Variants in EPHA3 observed in about 807,000 individuals in gnomAD.
EPHA3 encodes the protein EPH receptor A3.
In EPHA3, 42 loss-of-function variants were observed where a neutral mutation model predicts 107.1. That is an observed-to-expected ratio of 0.39 (90% confidence interval 0.31 to 0.51). The LOEUF (loss-of-function observed/expected upper bound fraction) is 0.51. Among genes scored for constraint, EPHA3 ranks in the 20% least tolerant of loss-of-function variants. The pLI, the probability that EPHA3 is intolerant of heterozygous loss-of-function variation, is 0.78. For missense variants in EPHA3, 1,183 were observed against 1,211.2 expected, an observed-to-expected ratio of 0.98 and a Z score of 0.35; for synonymous variants, 461 against 424.8, an observed-to-expected ratio of 1.09 and a Z score of -1.05.
Position 89,413,204 on chromosome 3 carries a change from T to C in EPHA3, c.1826T>C (p.Val609Ala). 1 of 1,611,952 alleles carries C rather than the reference T, an allele frequency of 6.2e-7. No individual in the cohort carries two copies. Residue 609 changes from valine (V) to alanine (A), a missense_variant, in exon 10 of 17, where the codon GTT becomes GCT. Physicochemically the swap from Val to Ala is moderately conservative, Grantham distance 64. Coordinates refer to ENST00000336596, the MANE Select transcript of EPHA3 (RefSeq NM_005233.6). ...PHTYEDPTQA[V>A]HEFAKELDAT... ...ACATATGAAGACCCTACCCAAGCTG[T>C]TCATGAGTTTGCCAAGGAATTGGAT...
At chr3:89,390,728 C>A (rs1169465804) in intron 5 of EPHA3, among the ~76,000 whole-genome samples, 1 of 151,254 alleles carries the variant, frequency 6.6e-6, no homozygotes, top group African/African-American at 2.4e-5. Context: ...ACACTGTGAG[C>A]AAGTCAACCC....
At chr3:89,162,283 A>C (rs1184128224) in intron 2 of EPHA3, among the ~76,000 whole-genome samples, 2 of 152,156 alleles carry the variant, frequency 1.3e-5, no homozygotes, top group Non-Finnish European at 2.9e-5. Context: ...GCAGGAGTAA[A>C]TACAGGAACA....
intron 5 of EPHA3, among the ~76,000 whole-genome samples, chr3:89,373,237 TG>T (rs1217075588): frequency 8.6e-5 from 13 of 151,870 alleles, no homozygotes; most frequent in African/African-American, 2.4e-4. Flanking sequence ...TTTTTCTTGT[TG>T]TTTTTTGTCA....
intron 15 of EPHA3, among the ~76,000 whole-genome samples, chr3:89,469,402 C>T (rs76762242): frequency 0.011 from 1,635 of 152,230 alleles, 23 homozygotes; most frequent in African/African-American, 0.033. Flanking sequence ...TTATCAAATA[C>T]GTTTCATGCA....
intron 2 of EPHA3, among the ~76,000 whole-genome samples, chr3:89,171,087 T>G (rs754352964): frequency 2.6e-5 from 4 of 152,242 alleles, no homozygotes; most frequent in African/African-American, 7.2e-5. Flanking sequence ...AAATTAGCCT[T>G]GATATTACAT....
In EPHA3 at chr3:89,330,056, G is replaced by A. The variant is rs532251402; in HGVS notation, c.815-10860G>A. Among the ~76,000 whole-genome samples, 17 of 151,928 alleles carry A rather than the reference G, an allele frequency of 1.1e-4. No individual in the cohort carries two copies. In the East Asian group the frequency reaches 1.5e-3, roughly 14 times the overall value. On this transcript the variant is annotated intron_variant, in intron 3 of 16. Coordinates refer to ENST00000336596, the MANE Select transcript of EPHA3 (RefSeq NM_005233.6). The stretch of plus-strand genomic sequence containing the variant: ...GTTTCAAAAAAGAGGATTCTTTTAA[G>A]ATATTTAAAAAACTCATTCAGTCAA...
At chr3:89,275,450 T>C (rs1158498038) in intron 3 of EPHA3, among the ~76,000 whole-genome samples, 3 of 152,198 alleles carry the variant, frequency 2.0e-5, no homozygotes, top group African/African-American at 7.2e-5. Context: ...TTCGTAGTCA[T>C]ACTAATAAAG....
intron 2 of EPHA3, among the ~76,000 whole-genome samples, chr3:89,140,977 C>T (rs181106967): frequency 1.3e-5 from 2 of 151,734 alleles, no homozygotes; most frequent in African/African-American, 4.8e-5. Flanking sequence ...TCATTTAATT[C>T]TCACCACAAT....
chr3:89,335,897 G>A (rs1484216253), intron 3 of EPHA3, among the ~76,000 whole-genome samples: 4 of 152,178 alleles, frequency 2.6e-5, no homozygotes, highest in East Asian at 3.9e-4. Flanking sequence ...GAGGGAAGAC[G>A]TAAATCAGAA....
intron 1 of EPHA3, among the ~76,000 whole-genome samples, chr3:89,120,169 T>G (rs2106957756): frequency 6.6e-6 from 1 of 152,324 alleles, no homozygotes; most frequent in East Asian, 1.9e-4. Context: ...AGTAATATGT[T>G]TTCATTTTTC....
At chr3:89,299,855 A>T (rs1280985569) in intron 3 of EPHA3, among the ~76,000 whole-genome samples, 1 of 152,044 alleles carries the variant, frequency 6.6e-6, no homozygotes, top group Admixed American at 6.6e-5. Flanking sequence ...CTTAAGGAAA[A>T]TTTTTGATAG....
At chr3:89,187,568 T>A (rs1705598572) in intron 2 of EPHA3, among the ~76,000 whole-genome samples, 1 of 151,926 alleles carries the variant, frequency 6.6e-6, no homozygotes, top group African/African-American at 2.4e-5. Context: ...TATGTTAATT[T>A]AAATTAAAAA....
At chr3:89,227,183 C>T (rs1704522022) in intron 3 of EPHA3, among the ~76,000 whole-genome samples, 2 of 152,038 alleles carry the variant, frequency 1.3e-5, no homozygotes, top group South Asian at 4.1e-4. Context: ...ATCATTTCTA[C>T]ATTTACTTTT....
chr3:89,458,612 G>A (rs74866449), intron 15 of EPHA3, among the ~76,000 whole-genome samples: 1 of 152,064 alleles, frequency 6.6e-6, no homozygotes, highest in South Asian at 2.1e-4. Context: ...TTCTATAATG[G>A]TTGAACTAAT....
intron 5 of EPHA3, among the ~76,000 whole-genome samples, chr3:89,376,405 T>C (rs1326382837): frequency 6.6e-6 from 1 of 151,808 alleles, no homozygotes; most frequent in East Asian, 1.9e-4. Flanking sequence ...TTTTAGATAT[T>C]GTATGTACAT....
At chr3:89,198,173 A>G (rs902616512) in intron 2 of EPHA3, among the ~76,000 whole-genome samples, 19 of 152,198 alleles carry the variant, frequency 1.2e-4, no homozygotes, top group African/African-American at 4.1e-4. Flanking sequence ...TTTAAAATAC[A>G]TTTATATTAT....
In EPHA3 at chr3:89,279,246, T is replaced by C. The variant is rs538759331; in HGVS notation, c.815-61670T>C. Among the ~76,000 whole-genome samples, 5 of 152,244 alleles carry C rather than the reference T, an allele frequency of 3.3e-5. No individual in the cohort carries two copies. In the South Asian group the frequency reaches 8.3e-4, roughly 25 times the overall value. ...AACCTCATTTAGGTAGGCAGAAATA[T>C]GTTCTCTTAAGTAATGAGTTTGAAA... On this transcript the variant is annotated intron_variant, in intron 3 of 16. Transcript: ENST00000336596.
chr3:89,380,716 A>G (rs1357938053), intron 5 of EPHA3, among the ~76,000 whole-genome samples: 1 of 152,092 alleles, frequency 6.6e-6, no homozygotes. Flanking sequence ...AACATATAGT[A>G]AACTTGTAAG....
chr3:89,313,020 A>G (rs145611900), intron 3 of EPHA3, among the ~76,000 whole-genome samples: 1 of 151,964 alleles, frequency 6.6e-6, no homozygotes, highest in Non-Finnish European at 1.5e-5. Flanking sequence ...GGTCTTTGCT[A>G]TTGTGAATTG....
Sources: allele counts gnomAD v4.1 joint callset (sites outside exome capture counted in the v4.1 genomes callset), GRCh38; gene constraint gnomAD v4.1.1; transcripts MANE v1.5; gene names NCBI Gene and HGNC (gene_info 2026-07-23, HGNC 2026-07-21).